The following UVRAG variants were observed in gnomAD, a reference collection of about 807,000 sequenced individuals.
UVRAG encodes UV radiation resistance-associated gene protein.
UVRAG carries 19 observed loss-of-function variants against 78.0 expected under a neutral mutation model. That is an observed-to-expected ratio of 0.24 (90% CI 0.17 to 0.36). The LOEUF is 0.36. Ranked by LOEUF, UVRAG falls within the 10% of genes least tolerant of loss-of-function variation. The probability of loss-of-function intolerance (pLI) is 1.00; values close to 1 mark genes in which losing one functional copy is unlikely to be tolerated. For synonymous variants in UVRAG, 323 were observed against 324.6 expected (o/e 1.00, Z 0.05); for missense variants, 740 against 853.8 (o/e 0.87, Z 1.66).
At chr11:76,125,346 C>T (rs1333114845) in intron 14 of UVRAG, among the ~76,000 whole-genome samples, 1 of 152,202 alleles carries the variant, frequency 6.6e-6, no homozygotes, top group Non-Finnish European at 1.5e-5. Flanking sequence ...AGAACCTTGA[C>T]GAGTCATCTC....
intron 13 of UVRAG, among the ~76,000 whole-genome samples, chr11:76,086,833 T>C (rs1951596707): frequency 1.3e-5 from 2 of 152,256 alleles, no homozygotes; most frequent in Admixed American, 6.5e-5. Context: ...TCCCCAAGGC[T>C]GTGGATCTAG....
intron 1 of UVRAG, among the ~76,000 whole-genome samples, chr11:75,832,362 G>A (rs1234446428): frequency 6.6e-6 from 1 of 152,194 alleles, no homozygotes; most frequent in African/African-American, 2.4e-5. Context: ...TAAACTGAAG[G>A]TTACCATGAC....
At chr11:75,908,604 A>G (rs1947668073) in intron 5 of UVRAG, among the ~76,000 whole-genome samples, 1 of 152,070 alleles carries the variant, frequency 6.6e-6, no homozygotes, top group East Asian at 1.9e-4. Context: ...TTGGTCTCAT[A>G]GAATAACTTA....
At chr11:75,878,229 C>T (rs1009416666) in intron 3 of UVRAG, among the ~76,000 whole-genome samples, 5 of 149,444 alleles carry the variant, frequency 3.3e-5, no homozygotes, top group African/African-American at 9.9e-5. Context: ...GACGGGGCGG[C>T]GGGGCAAAGG....
At chr11:75,863,190 G>T (rs1946459498) in intron 3 of UVRAG, among the ~76,000 whole-genome samples, 2 of 152,164 alleles carry the variant, frequency 1.3e-5, no homozygotes, top group South Asian at 4.1e-4. Context: ...GTCCATCTCT[G>T]GGGAGGTCCC....
chr11:76,015,634 A>G (rs1358025156), intron 11 of UVRAG, among the ~76,000 whole-genome samples: 1 of 152,202 alleles, frequency 6.6e-6, no homozygotes, highest in Non-Finnish European at 1.5e-5. Flanking sequence ...ACCTATTTTT[A>G]TAAGACTACC....
At chr11:76,100,237 T>C (rs1190738024) in intron 13 of UVRAG, among the ~76,000 whole-genome samples, 1 of 152,136 alleles carries the variant, frequency 6.6e-6, no homozygotes, top group Non-Finnish European at 1.5e-5. Flanking sequence ...GAAATGATTC[T>C]TCAGTGTTGC....
intron 1 of UVRAG, among the ~76,000 whole-genome samples, chr11:75,840,721 T>A (rs1945890546): frequency 6.6e-6 from 1 of 152,134 alleles, no homozygotes; most frequent in African/African-American, 2.4e-5. Context: ...CATGAGAGAT[T>A]AGGGTTGTTG....
At chr11:76,099,028 C>T (rs1350709530) in intron 13 of UVRAG, among the ~76,000 whole-genome samples, 1 of 152,164 alleles carries the variant, frequency 6.6e-6, no homozygotes, top group African/African-American at 2.4e-5. Context: ...ACTCACTGGC[C>T]TCCTTTCCCA....
chr11:75,837,002 C>T (rs1945791440), intron 1 of UVRAG, among the ~76,000 whole-genome samples: 1 of 152,102 alleles, frequency 6.6e-6, no homozygotes, highest in Non-Finnish European at 1.5e-5. Flanking sequence ...ACTCCAGGAA[C>T]AGCCACCACC....
At chr11:75,846,901 G>A (rs1946045977) in intron 1 of UVRAG, among the ~76,000 whole-genome samples, 1 of 151,800 alleles carries the variant, frequency 6.6e-6, no homozygotes, top group Admixed American at 6.6e-5. Context: ...TCAGCTCACT[G>A]CAACCTCTGC....
At chr11:76,095,570 T>TA (rs1310329738) in intron 13 of UVRAG, among the ~76,000 whole-genome samples, 4 of 150,484 alleles carry the variant, frequency 2.7e-5, no homozygotes, top group Non-Finnish European at 5.9e-5. Context: ...TAAATATATA[T>TA]TTTTTAATCC....
At chr11:75,903,599 A>G (rs980238313) in intron 5 of UVRAG, among the ~76,000 whole-genome samples, 3 of 152,162 alleles carry the variant, frequency 2.0e-5, no homozygotes, top group African/African-American at 7.2e-5. Flanking sequence ...TACTTAATCC[A>G]TCCCAAATAC....
chr11:75,955,294 C>T (rs1948772895), intron 6 of UVRAG, among the ~76,000 whole-genome samples: 1 of 152,074 alleles, frequency 6.6e-6, no homozygotes, highest in Non-Finnish European at 1.5e-5. Context: ...AATTACTGGT[C>T]CCATGAACAA....
chr11:76,122,092 G>T lies in UVRAG; in HGVS notation c.1397+6077G>T, dbSNP rs114252665. On this transcript the variant is annotated intron_variant, in intron 14 of 14. Coordinates refer to ENST00000356136, the MANE Select transcript of UVRAG (RefSeq NM_003369.4). ...TGAGCTTGTGTTCAAGGAGCTTACA[G>T]TCTAATTAAGGTGGTGAAATAGGAA... Among the ~76,000 whole-genome samples, 473 of 152,274 alleles carry T rather than the reference G, an allele frequency of 3.1e-3. 3 individuals are homozygous for T. The highest frequency in any genetic ancestry group is 0.011 in the African/African-American group (465 of 41,558).
intron 13 of UVRAG, among the ~76,000 whole-genome samples, chr11:76,081,981 T>C (rs1951503740): frequency 6.7e-6 from 1 of 148,982 alleles, no homozygotes; most frequent in African/African-American, 2.5e-5. Flanking sequence ...TATTTATGTA[T>C]AGTTCAAAAC....
intron 3 of UVRAG, among the ~76,000 whole-genome samples, chr11:75,877,552 C>CGGGGG (rs1274045160): frequency 7.2e-6 from 1 of 138,446 alleles, no homozygotes; most frequent in Non-Finnish European, 1.6e-5. Flanking sequence ...GCTGGCCGGG[C>CGGGGG]GGGGGGCTGA....
chr11:76,081,825 A>G (rs530263416), intron 13 of UVRAG, among the ~76,000 whole-genome samples: 46 of 151,828 alleles, frequency 3.0e-4, no homozygotes, highest in African/African-American at 1.0e-3. Flanking sequence ...TATCGACAAT[A>G]TGTTCATCAT....
rs76846826 is a variant in UVRAG, at chr11:75,970,065, G to A, written c.699+8516G>A. 8.7e-3 allele frequency among the ~76,000 whole-genome samples: 1,327 copies of A among 152,288 alleles called. 19 individuals carry two copies. The highest frequency in any genetic ancestry group is 0.027 in the South Asian group (132 of 4,826). On this transcript the variant is annotated intron_variant, in intron 7 of 14. Coordinates refer to ENST00000356136, the MANE Select transcript of UVRAG (RefSeq NM_003369.4). ...GCTTAAGATTTATGTCATAAAAAAT[G>A]ATGAAAAGTGTATTAGTGACACTGA... is the stretch of plus-strand genomic sequence containing the variant.
Sources: gnomAD v4.1 joint callset for allele counts (sites outside exome capture counted in the v4.1 genomes callset) on GRCh38, gnomAD v4.1.1 for gene constraint, MANE v1.5 for transcripts, NCBI Gene and HGNC (gene_info 2026-07-23, HGNC 2026-07-21) for gene names.